The following FBXW7 variants were observed in gnomAD, a reference collection of about 807,000 sequenced individuals.
FBXW7 encodes the protein F-box/WD repeat-containing protein 7.
Under a neutral mutation model 86.3 loss-of-function variants are expected in FBXW7, and 11 were observed. That is an observed-to-expected ratio of 0.13 (90% CI 0.08 to 0.21). The LOEUF is 0.21. Among genes scored for constraint, FBXW7 ranks in the 10% least tolerant of loss-of-function variants. The pLI, the probability that FBXW7 is intolerant of heterozygous loss-of-function variation, is 1.00. For synonymous variants in FBXW7, 313 were observed against 297.9 expected (o/e 1.05, Z -0.52); for missense variants, 488 against 847.4 (o/e 0.58, Z 5.27).
At chr4:152,525,924 A>G (rs1490451511) in intron 2 of FBXW7, among the ~76,000 whole-genome samples, 1 of 152,212 alleles carries the variant, frequency 6.6e-6, no homozygotes, top group Admixed American at 6.5e-5. Flanking sequence ...TCCCACCAAC[A>G]GTATATAAGT....
intron 2 of FBXW7, among the ~76,000 whole-genome samples, chr4:152,520,803 T>G (rs935924454): frequency 2.0e-5 from 3 of 152,248 alleles, no homozygotes; most frequent in Non-Finnish European, 1.5e-5. Context: ...GAAGGTCGAC[T>G]TTAAGAATAA....
At chr4:152,400,616 G>A (rs1736841037) in intron 4 of FBXW7, among the ~76,000 whole-genome samples, 2 of 151,914 alleles carry the variant, frequency 1.3e-5, no homozygotes, top group Non-Finnish European at 2.9e-5. Context: ...CAAAGTGCTG[G>A]GATTATAGGT....
intron 2 of FBXW7, among the ~76,000 whole-genome samples, chr4:152,502,161 C>T (rs1747014870): frequency 6.6e-6 from 1 of 152,186 alleles, no homozygotes; most frequent in South Asian, 2.1e-4. Context: ...CATGTGACTA[C>T]TAAGCACTTG....
rs1745497596 is a variant in FBXW7 at position 152,487,998 on chromosome 4, A to C, written c.-120+46943T>G. On this transcript the variant is annotated intron_variant, in intron 2 of 13. Transcript: ENST00000281708. ...AAGCAAAATGCATTCCATTTAAACAAATAAAAAATAATGTTAAAAGTATGC... is the reference window on the plus strand; with the variant it reads ...AAGCAAAATGCATTCCATTTAAACACATAAAAAATAATGTTAAAAGTATGC... 2.6e-5 allele frequency among the ~76,000 whole-genome samples: 4 copies of C among 151,960 alleles called. No homozygotes were observed. In the South Asian group the frequency reaches 8.3e-4, roughly 31 times the overall value.
intron 10 of FBXW7, chr4:152,329,092 T>C (rs2126521374): frequency 6.6e-6 from 1 of 151,982 alleles, no homozygotes; most frequent in Admixed American, 6.6e-5. Context: ...ACTGGACAGA[T>C]AAAAATAAAT....
intron 4 of FBXW7, 41 bp from the exon 5 acceptor site, chr4:152,350,165 TCTAA>T (rs761196659): frequency 2.9e-4 from 365 of 1,252,374 alleles, no homozygotes; most frequent in Middle Eastern, 2.7e-3. Context: ...TTAAAAATCG[TCTAA>T]CTATCAAATC....
intron 2 of FBXW7, among the ~76,000 whole-genome samples, chr4:152,485,077 A>C (rs1172333669): frequency 6.6e-6 from 1 of 152,088 alleles, no homozygotes; most frequent in Non-Finnish European, 1.5e-5. Flanking sequence ...AAAGACTGGG[A>C]AACTATAAGA....
At chr4:152,428,078 TG>T (rs1029407300) in intron 2 of FBXW7, among the ~76,000 whole-genome samples, 28 of 152,284 alleles carry the variant, frequency 1.8e-4, no homozygotes, top group Admixed American at 1.2e-3. Context: ...GGTATGTTTT[TG>T]GTTTGGAAGA....
At chr4:152,487,285 G>A (rs895202214) in intron 2 of FBXW7, among the ~76,000 whole-genome samples, 2 of 152,096 alleles carry the variant, frequency 1.3e-5, no homozygotes, top group Non-Finnish European at 2.9e-5. Flanking sequence ...TAATTATCAA[G>A]GGGAAAAGGA....
intron 4 of FBXW7, among the ~76,000 whole-genome samples, chr4:152,402,387 G>C (rs534439877): frequency 6.6e-6 from 1 of 152,200 alleles, no homozygotes; most frequent in East Asian, 1.9e-4. Context: ...AACTTAATAC[G>C]ATGAGTCACA....
intron 2 of FBXW7, among the ~76,000 whole-genome samples, chr4:152,416,976 G>A (rs771241679): frequency 2.0e-5 from 3 of 151,868 alleles, no homozygotes; most frequent in Non-Finnish European, 2.9e-5. Context: ...ATATTCTGTT[G>A]GTCACTAGCT....
chr4:152,438,764 G>A (rs565706072), intron 2 of FBXW7, among the ~76,000 whole-genome samples: 1 of 152,308 alleles, frequency 6.6e-6, no homozygotes, highest in Admixed American at 6.5e-5. Flanking sequence ...CCATCACCCA[G>A]TACTACCCTA....
rs146668842 is a variant in FBXW7, at chr4:152,350,107, G to A, written c.519C>T (p.Asp173=). ...AAAAAGAGCGGACCTCAGAACCATG[G>A]TCCAACTTTCTTTTCATCTATAAGG... The part of the protein sequence containing the change: ...TKTTKMKRKL[D]HGSEVRSFSL... Residue 173 remains aspartate (D), a synonymous_variant, in exon 5 of 14, where the codon GAC becomes GAT. Coordinates refer to ENST00000281708, the MANE Select transcript of FBXW7 (RefSeq NM_001349798.2). 4.5e-6 allele frequency: 7 copies of A among 1,556,342 alleles called. No homozygotes were observed. The African/African-American group carries it at 8.2e-5, about 18-fold the overall frequency.
rs139422874 is a variant in FBXW7, at chr4:152,346,996, T to C, written c.660A>G (p.Gln220=). The change falls in exon 6 of 14, where the codon CAA becomes CAG. Residue 220 remains glutamine (Q), a synonymous_variant. Coordinates refer to ENST00000281708, the MANE Select transcript of FBXW7 (RefSeq NM_001349798.2). ...GDLRAANGQG[Q]QRRRITSVQP... ...GGACAGATGTAATTCGGCGTCGTTG[T>C]TGCCCTTGGCCATTGGCTGCTCTGA... The C allele has an allele frequency of 5.8e-5, 94 of 1,613,828 alleles. No individual in the cohort carries two copies. In the African/African-American group the frequency reaches 8.5e-4, roughly 15 times the overall value.
chr4:152,477,890 T>C (rs575376801), intron 2 of FBXW7, among the ~76,000 whole-genome samples: 11 of 152,116 alleles, frequency 7.2e-5, no homozygotes, highest in Non-Finnish European at 1.5e-4. Flanking sequence ...TATGAGAGTA[T>C]TGAGCTAAAA....
At chr4:152,498,653 CAAAA>C (rs1010267064) in intron 2 of FBXW7, among the ~76,000 whole-genome samples, 1 of 151,914 alleles carries the variant, frequency 6.6e-6, no homozygotes, top group Non-Finnish European at 1.5e-5. Context: ...CAAAACAAAA[CAAAA>C]AAACACCTTG....
At chr4:152,460,255 G>A (rs891061308) in intron 2 of FBXW7, among the ~76,000 whole-genome samples, 2 of 152,086 alleles carry the variant, frequency 1.3e-5, no homozygotes, top group Non-Finnish European at 2.9e-5. Context: ...ACGTTAATTT[G>A]TATGTCATTA....
chr4:152,352,987 G>A, intron 4 of FBXW7: 1 of 1,274,120 alleles, frequency 7.8e-7, no homozygotes, highest in East Asian at 2.9e-5. Context: ...GAGGGAGGAT[G>A]TGGGCAGCAG....
chr4:152,390,416 G>C (rs1261673314), intron 4 of FBXW7, among the ~76,000 whole-genome samples: 2 of 151,904 alleles, frequency 1.3e-5, no homozygotes, highest in Non-Finnish European at 2.9e-5. Flanking sequence ...GCTGAGCTGG[G>C]TTACCCCAGC....
Sources: gnomAD v4.1 joint callset for allele counts (sites outside exome capture counted in the v4.1 genomes callset) on GRCh38, gnomAD v4.1.1 for gene constraint, MANE v1.5 for transcripts, NCBI Gene and HGNC (gene_info 2026-07-23, HGNC 2026-07-21) for gene names.